RORA: variants seen among roughly 807,000 people sequenced by gnomAD.
RORA encodes the protein RAR related orphan receptor A, also known as nuclear receptor ROR-alpha.
In RORA, 7 loss-of-function variants were observed where a neutral mutation model predicts 69.5. The observed-to-expected ratio is 0.10, with a 90% CI of 0.06 to 0.19. RORA has a LOEUF of 0.19. Ranked by LOEUF, RORA falls within the 10% of genes least tolerant of loss-of-function variation. RORA has a pLI of 1.00. For missense variants in RORA, 457 were observed against 663.0 expected, an observed-to-expected ratio of 0.69 and a Z score of 3.41; for synonymous variants, 261 against 240.8, an observed-to-expected ratio of 1.08 and a Z score of -0.78.
At chr15:60,793,669 T>C (rs341435) in intron 1 of RORA, among the ~76,000 whole-genome samples, 3,672 of 152,308 alleles carry the variant, frequency 0.024, 45 homozygotes, top group Non-Finnish European at 0.034. Flanking sequence ...GCCTTGAGCC[T>C]CCAAGGACTG....
chr15:61,156,777 T>C (rs755828536), intron 1 of RORA, among the ~76,000 whole-genome samples: 4 of 152,232 alleles, frequency 2.6e-5, no homozygotes, highest in Non-Finnish European at 5.9e-5. Flanking sequence ...AAGAGGTTAA[T>C]AAATTTGTCA....
At chr15:61,118,504 CT>C (rs1566997343) in intron 1 of RORA, among the ~76,000 whole-genome samples, 5 of 152,118 alleles carry the variant, frequency 3.3e-5, no homozygotes, top group African/African-American at 9.7e-5. Flanking sequence ...TTTTCTCACT[CT>C]TATTTGTATG....
chr15:60,647,900 C>T (rs1031022392), intron 2 of RORA, among the ~76,000 whole-genome samples: 1 of 152,176 alleles, frequency 6.6e-6, no homozygotes, highest in Non-Finnish European at 1.5e-5. Flanking sequence ...GCAGTTGGGT[C>T]AGCCGCAGGC....
chr15:60,815,885 T>C (rs2072803273), intron 1 of RORA, among the ~76,000 whole-genome samples: 1 of 145,430 alleles, frequency 6.9e-6, no homozygotes, highest in Non-Finnish European at 1.5e-5. Flanking sequence ...ATTTATACTA[T>C]TTATATACTA....
intron 1 of RORA, among the ~76,000 whole-genome samples, chr15:60,852,530 T>C (rs2073337642): frequency 6.6e-6 from 1 of 152,220 alleles, no homozygotes; most frequent in Non-Finnish European, 1.5e-5. Flanking sequence ...CCGTAGGTGC[T>C]TATGAAATTT....
At chr15:61,167,530 A>T (rs2079549197) in intron 1 of RORA, among the ~76,000 whole-genome samples, 1 of 127,844 alleles carries the variant, frequency 7.8e-6, no homozygotes, top group South Asian at 2.5e-4. Context: ...TTTATGAAGA[A>T]ATTTCTCTAC....
intron 2 of RORA, among the ~76,000 whole-genome samples, chr15:60,594,816 A>G (rs141449505): frequency 3.9e-5 from 6 of 152,386 alleles, no homozygotes; most frequent in Non-Finnish European, 8.8e-5. Context: ...CATTTCCAGA[A>G]TAATGTAATA....
chr15:61,205,412 A>G (rs1200175639), intron 1 of RORA, among the ~76,000 whole-genome samples: 1 of 152,236 alleles, frequency 6.6e-6, no homozygotes, highest in African/African-American at 2.4e-5. Context: ...CGCCTCTGCC[A>G]AGCCACAGTC....
rs1555455766 is a variant in RORA at position 60,819,767 on chromosome 15, A to ACACACACACACACG, written c.167-141082_167-141081insCGTGTGTGTGTGTG. Among the ~76,000 whole-genome samples, 189 of 147,634 alleles carry ACACACACACACACG rather than the reference A, an allele frequency of 1.3e-3. 4 individuals carry two copies. Among genetic ancestry groups the ACACACACACACACG allele is most frequent in the African/African-American group, 4.3e-3 (174 of 40,374 alleles). ...CCCAGACACACACACACACACACAC[A>ACACACACACACACG]CACACACACACACACACACACACAC... On this transcript the variant is annotated intron_variant, in intron 1 of 10. Coordinates refer to ENST00000335670, the MANE Select transcript of RORA (RefSeq NM_134261.3).
At position 60,990,734 on chromosome 15, in the gene RORA, A is replaced by G. The variant is rs73434285; in HGVS notation, c.166+238319T>C. Among the ~76,000 whole-genome samples the G allele has an allele frequency of 4.7e-3, 715 of 152,322 alleles. 2 individuals carry two copies. Among genetic ancestry groups the G allele is most frequent in the African/African-American group, 0.016 (671 of 41,572 alleles). On this transcript the variant is annotated intron_variant, in intron 1 of 10. Transcript: ENST00000335670. ...TCCAAGCCCAAACACCCACACCTACAGCATGAGTTTTCCAGGGTTCCAAAA... is the reference window on the plus strand; with the variant it reads ...TCCAAGCCCAAACACCCACACCTACGGCATGAGTTTTCCAGGGTTCCAAAA...
chr15:60,511,445 T>G lies in RORA; in HGVS notation c.601A>C (p.Ser201Arg). 6.2e-7 allele frequency: 1 copy of G among 1,614,176 alleles called. No homozygotes were observed. Among genetic ancestry groups the G allele is most frequent in the Middle Eastern group, 1.6e-4 (1 of 6,062 alleles). The change falls in exon 5 of 11, where the codon AGT becomes CGT. Residue 201 changes from serine (S) to arginine (R), a missense_variant. Physicochemically the swap from Ser to Arg is moderately radical, Grantham distance 110. Coordinates refer to ENST00000335670, the MANE Select transcript of RORA (RefSeq NM_134261.3). This position sits in a 1 kb window ranked among gnomAD's most constrained non-coding sequence, Gnocchi z 6.4. ...GGGGTGTGCCCGTCAATGTAGTTACTGAGGTCGTCGTGAAGTTCCGTCAGC... is the reference window on the plus strand; with the variant it reads ...GGGGTGTGCCCGTCAATGTAGTTACGGAGGTCGTCGTGAAGTTCCGTCAGC... ...NGLTELHDDL[S>R]NYIDGHTPEG...
intron 1 of RORA, among the ~76,000 whole-genome samples, chr15:61,127,189 G>A (rs1373617965): frequency 1.3e-5 from 2 of 152,186 alleles, no homozygotes; most frequent in Non-Finnish European, 2.9e-5. Context: ...CCCTGACCTT[G>A]AGTGTGTGTT....
At position 60,531,482 on chromosome 15, in the gene RORA, A is replaced by G. The variant is rs947210567; in HGVS notation, c.282+284T>C. ...TGGAGTTAGCTCTTTTTTAAAAAAG[A>G]TTGCCACAGAGATTGCTCATGAGTT... On this transcript the variant is annotated intron_variant, in intron 3 of 10. Transcript: ENST00000335670. The surrounding 1 kb of genome is among the most constrained non-coding windows in gnomAD (Gnocchi z 4.8). 4 of 316,616 alleles carry G rather than the reference A, an allele frequency of 1.3e-5. No individual in the cohort carries two copies. The highest frequency in any genetic ancestry group is 2.3e-5 in the Non-Finnish European group (4 of 176,332). The allele number at this position is 316,616 out of a possible 1,614,324, so 19.6% of individuals were successfully genotyped here.
In RORA at chr15:60,728,348, C is replaced by T. The variant is rs963081810; in HGVS notation, c.167-49662G>A. ...AGTATCTGCAATATACCCATCCTCCCAACTCACCCTTGGACCTAGACAATA... is the reference window on the plus strand; with the variant it reads ...AGTATCTGCAATATACCCATCCTCCTAACTCACCCTTGGACCTAGACAATA... On this transcript the variant is annotated intron_variant, in intron 1 of 10. Transcript: ENST00000335670. Among the ~76,000 whole-genome samples, 5 of 152,156 alleles carry T rather than the reference C, an allele frequency of 3.3e-5. No homozygotes were observed. The South Asian group carries it at 8.3e-4, about 25-fold the overall frequency.
At chr15:61,154,018 A>G (rs903121886) in intron 1 of RORA, among the ~76,000 whole-genome samples, 1 of 152,178 alleles carries the variant, frequency 6.6e-6, no homozygotes, top group Non-Finnish European at 1.5e-5. Flanking sequence ...CTGCTTGATT[A>G]GTGAATCTCA....
At chr15:60,672,824 T>C (rs2070495271) in intron 2 of RORA, among the ~76,000 whole-genome samples, 1 of 152,242 alleles carries the variant, frequency 6.6e-6, no homozygotes, top group Non-Finnish European at 1.5e-5. Context: ...GTTCCTGCTA[T>C]TGCTGCTGCT....
At chr15:61,132,793 G>A (rs982847518) in intron 1 of RORA, among the ~76,000 whole-genome samples, 4 of 152,178 alleles carry the variant, frequency 2.6e-5, no homozygotes, top group South Asian at 2.1e-4. Context: ...CAGGGGAAAC[G>A]CAGCCCATAA....
At chr15:60,888,650 C>T (rs2073778493) in intron 1 of RORA, among the ~76,000 whole-genome samples, 1 of 152,170 alleles carries the variant, frequency 6.6e-6, no homozygotes, top group African/African-American at 2.4e-5. Context: ...ACAGTGTGGC[C>T]GATTATATCC....
chr15:60,870,850 C>T (rs989170699), intron 1 of RORA, among the ~76,000 whole-genome samples: 7 of 152,230 alleles, frequency 4.6e-5, no homozygotes, highest in African/African-American at 1.7e-4. Context: ...CCTTTGGCAA[C>T]TGTACAAGAC....
Sources: gnomAD v4.1 joint callset for allele counts (sites outside exome capture counted in the v4.1 genomes callset) on GRCh38, gnomAD v4.1.1 for gene constraint, Gnocchi (gnomAD v3.1) non-coding constraint, MANE v1.5 for transcripts, NCBI Gene and HGNC (gene_info 2026-07-23, HGNC 2026-07-21) for gene names.